The following DLGAP1 variants were observed in gnomAD, a reference collection of about 807,000 sequenced individuals.
DLGAP1 encodes the protein DLG associated protein 1.
In DLGAP1, 11 loss-of-function variants were observed where a neutral mutation model predicts 90.8. The ratio of observed to expected loss-of-function variants is 0.12; its 90% CI spans 0.08 to 0.20. The LOEUF is 0.20. Among genes scored for constraint, DLGAP1 ranks in the 10% least tolerant of loss-of-function variants. DLGAP1 has a pLI of 1.00. For synonymous variants in DLGAP1, 558 were observed against 540.7 expected (o/e 1.03, Z -0.44); for missense variants, 1,050 against 1,333.8 (o/e 0.79, Z 3.31).
At position 3,775,223 on chromosome 18, in the gene DLGAP1, G is replaced by A. The variant is rs913158526; in HGVS notation, c.1173-32711C>T. Among the ~76,000 whole-genome samples the A allele has an allele frequency of 1.3e-5, 2 of 152,142 alleles. No homozygotes were observed. Among genetic ancestry groups the A allele is most frequent in the African/African-American group, 4.8e-5 (2 of 41,418 alleles). ...CATCTGGATCCCACTGGGTTATTTT[G>A]TAACAATTCTCCTTCCATTCCCCTG... On this transcript the variant is annotated intron_variant, in intron 5 of 12. Coordinates refer to ENST00000315677, the MANE Select transcript of DLGAP1 (RefSeq NM_004746.4). The surrounding 1 kb of genome is among the most constrained non-coding windows in gnomAD (Gnocchi z 4.9).
At chr18:3,846,038 A>G (rs2068989333) in intron 4 of DLGAP1, among the ~76,000 whole-genome samples, 1 of 111,866 alleles carries the variant, frequency 8.9e-6, no homozygotes, top group Non-Finnish European at 1.8e-5. Flanking sequence ...TCTTATTGAA[A>G]GTGTGGTGTG....
chr18:4,144,695 T>G (rs147115953), intron 2 of DLGAP1, among the ~76,000 whole-genome samples: 2 of 152,354 alleles, frequency 1.3e-5, no homozygotes, highest in Non-Finnish European at 2.9e-5. Context: ...TCCACCTCCC[T>G]TACTATGCAA....
intron 5 of DLGAP1, among the ~76,000 whole-genome samples, chr18:3,776,710 T>C (rs926672926): frequency 2.0e-5 from 3 of 152,224 alleles, no homozygotes; most frequent in Admixed American, 6.5e-5. Flanking sequence ...ATGTAACATT[T>C]GCTCAGTTGC....
At chr18:4,344,480 T>C (rs1052894776) in intron 1 of DLGAP1, among the ~76,000 whole-genome samples, 1 of 152,172 alleles carries the variant, frequency 6.6e-6, no homozygotes, top group African/African-American at 2.4e-5. Context: ...CTATGTGAGA[T>C]TAACGAAAAT....
intron 1 of DLGAP1, among the ~76,000 whole-genome samples, chr18:4,419,212 C>T (rs896467084): frequency 3.9e-5 from 6 of 152,150 alleles, no homozygotes; most frequent in Admixed American, 6.5e-5. Context: ...CATCAGATCT[C>T]GTGAGACCCA....
intron 1 of DLGAP1, among the ~76,000 whole-genome samples, chr18:4,434,246 C>T (rs1445143903): frequency 6.6e-6 from 1 of 151,970 alleles, no homozygotes; most frequent in Admixed American, 6.6e-5. Context: ...AATGCTATTC[C>T]CCATCTGAAT....
intron 4 of DLGAP1, among the ~76,000 whole-genome samples, chr18:3,833,188 T>C (rs867455096): frequency 5.8e-5 from 2 of 34,398 alleles, no homozygotes; most frequent in Admixed American, 3.3e-4. Context: ...CTTCCTTCCT[T>C]CCTTCCTTCC....
intron 2 of DLGAP1, among the ~76,000 whole-genome samples, chr18:4,130,951 C>T (rs560406016): frequency 2.6e-5 from 4 of 151,982 alleles, no homozygotes; most frequent in Admixed American, 2.6e-4. Context: ...GAAAATATGA[C>T]AAGGATTTAC....
chr18:3,860,098 C>CAAAAAAAAAAAAAAAAATAAAA (rs1169488386), intron 4 of DLGAP1, among the ~76,000 whole-genome samples: 5 of 104,918 alleles, frequency 4.8e-5, no homozygotes, highest in Non-Finnish European at 7.9e-5. Context: ...GACTCTGTCT[C>CAAAAAAAAAAAAAAAAATAAAA]AAAAAATAAA....
intron 3 of DLGAP1, among the ~76,000 whole-genome samples, chr18:3,925,041 C>T (rs892872134): frequency 1.3e-4 from 20 of 152,238 alleles, no homozygotes; most frequent in South Asian, 2.1e-4. Flanking sequence ...CAACCTCCGC[C>T]GCCTGAGTTC....
chr18:3,593,531 A>G (rs747498752), intron 7 of DLGAP1, among the ~76,000 whole-genome samples: 5 of 152,140 alleles, frequency 3.3e-5, no homozygotes, highest in Non-Finnish European at 7.3e-5. Context: ...CACGGAAACC[A>G]CAAGATGACT....
At chr18:4,207,007 A>AT (rs2077733592) in intron 1 of DLGAP1, among the ~76,000 whole-genome samples, 1 of 152,212 alleles carries the variant, frequency 6.6e-6, no homozygotes, top group Admixed American at 6.5e-5. Flanking sequence ...GGTAAGTCTC[A>AT]TAAGAAGCTG....
At chr18:4,050,599 C>T (rs2075119788) in intron 2 of DLGAP1, among the ~76,000 whole-genome samples, 1 of 152,168 alleles carries the variant, frequency 6.6e-6, no homozygotes, top group East Asian at 1.9e-4. Context: ...TTTCCAAAAT[C>T]TTAGGAACGT....
chr18:3,731,299 G>A (rs144982731), intron 6 of DLGAP1, among the ~76,000 whole-genome samples: 29 of 151,072 alleles, frequency 1.9e-4, no homozygotes, highest in Non-Finnish European at 3.1e-4. Flanking sequence ...CATTAAACTC[G>A]GATGATTATC....
chr18:4,242,191 C>G (rs1042599835), intron 1 of DLGAP1, among the ~76,000 whole-genome samples: 3 of 152,154 alleles, frequency 2.0e-5, no homozygotes, highest in Non-Finnish European at 1.5e-5. Flanking sequence ...CACTCCATTT[C>G]TTTGTTTTGG....
intron 1 of DLGAP1, among the ~76,000 whole-genome samples, chr18:4,413,084 G>A (rs1209447034): frequency 6.6e-6 from 1 of 152,192 alleles, no homozygotes; most frequent in African/African-American, 2.4e-5. Flanking sequence ...GTATGGAGAA[G>A]TGCCACAGCC....
chr18:3,930,915 T>C (rs1276594955), intron 3 of DLGAP1, among the ~76,000 whole-genome samples: 1 of 152,158 alleles, frequency 6.6e-6, no homozygotes, highest in African/African-American at 2.4e-5. Flanking sequence ...CCTGTTGCCA[T>C]GGTTACGCAA....
chr18:4,214,032 T>A (rs933536649), intron 1 of DLGAP1, among the ~76,000 whole-genome samples: 2 of 152,024 alleles, frequency 1.3e-5, no homozygotes, highest in African/African-American at 4.8e-5. Context: ...TGAGGAGTCA[T>A]CGCTACAGAA....
At position 4,012,331 on chromosome 18, in the gene DLGAP1, G is replaced by A. The variant is rs117001763; in HGVS notation, c.-158-7130C>T. Reference sequence around the variant, plus strand: ...AGTTCAGGCTCCTCAGAGCAGCACTGATGGTTCAGACTGACACCTTTGCCC... The same window carrying A: ...AGTTCAGGCTCCTCAGAGCAGCACTAATGGTTCAGACTGACACCTTTGCCC... On this transcript the variant is annotated intron_variant, in intron 2 of 12. Transcript: ENST00000315677. Among the ~76,000 whole-genome samples, 1,302 of 152,256 alleles carry A rather than the reference G, an allele frequency of 8.6e-3. 5 individuals are homozygous for A. The highest frequency in any genetic ancestry group is 0.014 in the Non-Finnish European group (982 of 68,030).
Sources: gnomAD v4.1 joint callset for allele counts (sites outside exome capture counted in the v4.1 genomes callset) on GRCh38, gnomAD v4.1.1 for gene constraint, Gnocchi (gnomAD v3.1) non-coding constraint, MANE v1.5 for transcripts, NCBI Gene and HGNC (gene_info 2026-07-23, HGNC 2026-07-21) for gene names.